Variants in SYNE1 observed in about 807,000 individuals in gnomAD.
The protein encoded by SYNE1 is nesprin-1.
A neutral mutation model predicts 1,111.0 loss-of-function variants in SYNE1; 616 were observed. That is an observed-to-expected ratio of 0.55 (90% CI 0.52 to 0.59). The LOEUF is 0.59. Among genes scored for constraint, SYNE1 ranks in the 20% least tolerant of loss-of-function variants. SYNE1 has a pLI of 0.00. For synonymous variants in SYNE1, 3,855 were observed against 3,825.8 expected (o/e 1.01, Z -0.28); for missense variants, 10,006 against 10,417.0 (o/e 0.96, Z 1.72).
Position 152,404,362 on chromosome 6 carries a change from T to C in SYNE1, c.6724-48A>G, listed in dbSNP as rs1336093917. ...ACTAATCAAAAACACTGACATGCTA[T>C]ATTTGGCATTTAATAATTTCAAGAA... On this transcript the variant is annotated intron_variant, in intron 45 of 145. Coordinates refer to ENST00000367255, the MANE Select transcript of SYNE1 (RefSeq NM_182961.4). 32 of 1,374,546 alleles carry C rather than the reference T, an allele frequency of 2.3e-5. No individual in the cohort carries two copies. The East Asian group carries it at 7.4e-4, about 32-fold the overall frequency. The allele number at this position is 1,374,546 out of a possible 1,614,324, so 85.1% of individuals were successfully genotyped here.
Position 152,189,417 on chromosome 6 carries a change from AAAAC to A in SYNE1, c.23146-14_23146-11del. 6.2e-7 allele frequency: 1 copy of A among 1,613,914 alleles called. No homozygotes were observed. The highest frequency in any genetic ancestry group is 8.5e-7 in the Non-Finnish European group (1 of 1,179,908). ...CTGCATTTTCTAATTCCTAAATAAA[AAAAC>A]AAACTTGAATACCCACGGACATCTC... is the stretch of plus-strand genomic sequence containing the variant. On this transcript the variant is annotated splice_polypyrimidine_tract_variant and intron_variant, in intron 127 of 145. Transcript: ENST00000367255.
At chr6:152,601,656 C>T (rs572925592) in intron 3 of SYNE1, among the ~76,000 whole-genome samples, 35 of 152,260 alleles carry the variant, frequency 2.3e-4, no homozygotes, top group Non-Finnish European at 3.8e-4. Flanking sequence ...ACAGAAAACA[C>T]GACAAACCAT....
Position 152,278,548 on chromosome 6 carries a change from C to T in SYNE1, c.18382-268G>A, listed in dbSNP as rs145751882. ...AGCGATCTTGACTCACTGCAAGCTCCGCCTCCCAGGTTCACGCCATTCTCC... is the reference window on the plus strand; with the variant it reads ...AGCGATCTTGACTCACTGCAAGCTCTGCCTCCCAGGTTCACGCCATTCTCC... On this transcript the variant is annotated intron_variant, in intron 97 of 145. Coordinates refer to ENST00000367255, the MANE Select transcript of SYNE1 (RefSeq NM_182961.4). Among the ~76,000 whole-genome samples the T allele has an allele frequency of 2.6e-3, 402 of 152,098 alleles. 1 individual carries two copies. The highest frequency in any genetic ancestry group is 0.014 in the Middle Eastern group (4 of 294).
At chr6:152,433,593 A>G (rs557187459) in intron 34 of SYNE1, 46 of 595,072 alleles carry the variant, frequency 7.7e-5, no homozygotes, top group Middle Eastern at 8.7e-4. Context: ...CAAGTCAGAC[A>G]ATGTGAATAC....
At chr6:152,192,797 C>T (rs1429370268) in intron 127 of SYNE1, among the ~76,000 whole-genome samples, 1 of 151,994 alleles carries the variant, frequency 6.6e-6, no homozygotes, top group Admixed American at 6.6e-5. Context: ...GCTGAATTAA[C>T]CCCTTTTTCA....
At chr6:152,571,523 A>AG (rs1273532208) in intron 3 of SYNE1, among the ~76,000 whole-genome samples, 1 of 152,194 alleles carries the variant, frequency 6.6e-6, no homozygotes, top group Admixed American at 6.5e-5. Flanking sequence ...TGCATGATGA[A>AG]GGGGGAGGAT....
intron 119 of SYNE1, 105 bp from the exon 120 acceptor site, chr6:152,219,290 A>T: frequency 9.0e-7 from 1 of 1,114,312 alleles, no homozygotes; most frequent in African/African-American, 1.5e-5. Flanking sequence ...ATTCCTACGG[A>T]TCATATTATT....
chr6:152,310,605 T>A, intron 88 of SYNE1, 83 bp downstream of exon 88: 1 of 1,609,958 alleles, frequency 6.2e-7, no homozygotes, highest in Non-Finnish European at 8.5e-7. Flanking sequence ...ACATCACAGG[T>A]GAGCACTATT....
At position 152,140,133 on chromosome 6, in the gene SYNE1, C is replaced by T; in HGVS notation, c.25275G>A (p.Gln8425=). 1 of 1,614,196 alleles carries T rather than the reference C, an allele frequency of 6.2e-7. No homozygotes were observed. The highest frequency in any genetic ancestry group is 8.5e-7 in the Non-Finnish European group (1 of 1,180,034). Residue 8425 remains glutamine (Q), a synonymous_variant, in exon 140 of 146, where the codon CAG becomes CAA. Transcript: ENST00000367255. ...TCAACTCCTTGCTCAATGCCTGGGC[C>T]TGGAGAAGCTCCCATCGGTCAATCA... ...AGVIDRWELL[Q]AQALSKELRM...
chr6:152,454,163 C>CA (rs1346911095), intron 24 of SYNE1, among the ~76,000 whole-genome samples: 9 of 147,310 alleles, frequency 6.1e-5, no homozygotes, highest in Admixed American at 2.0e-4. Context: ...GCCATTGTCA[C>CA]ATTCACACAT....
chr6:152,473,166 T>C (rs2098816290), intron 14 of SYNE1, among the ~76,000 whole-genome samples: 1 of 152,182 alleles, frequency 6.6e-6, no homozygotes, highest in Non-Finnish European at 1.5e-5. Context: ...ATTTCTCACA[T>C]AGAAGCAAGG....
chr6:152,339,305 A>G lies in SYNE1; in HGVS notation c.12287T>C (p.Met4096Thr), dbSNP rs771323185. The change falls in exon 75 of 146, where the codon ATG becomes ACG. Residue 4096 changes from methionine (M) to threonine (T), a missense_variant. Around this residue, in one of 7 missense-constraint regions of SYNE1, gnomAD observed 4,955 missense variants for 5,017.2 expected, o/e 0.99. Coordinates refer to ENST00000367255, the MANE Select transcript of SYNE1 (RefSeq NM_182961.4). The stretch of plus-strand genomic sequence containing the variant: ...CACCGAAGCATTTGACAGGTCACAC[A>G]TGGAGCAAAGGAGATCTAGGTAGGT... ...ARTYLDLLCSMCDLSNASVKT... is the reference protein window; with the variant it reads ...ARTYLDLLCSTCDLSNASVKT... The G allele has an allele frequency of 5.6e-6, 9 of 1,613,978 alleles. No homozygotes were observed. The highest frequency in any genetic ancestry group is 2.2e-5 in the East Asian group (1 of 44,882).
Position 152,510,979 on chromosome 6 carries a change from C to T in SYNE1, c.402+32G>A, listed in dbSNP as rs765456086. ...ACCATGATCTCCCTCTGAGACATTGCATCAACTGAAAGAGGAACTGTAGCA... is the reference window on the plus strand; with the variant it reads ...ACCATGATCTCCCTCTGAGACATTGTATCAACTGAAAGAGGAACTGTAGCA... On this transcript the variant is annotated intron_variant, in intron 7 of 145. Coordinates refer to ENST00000367255, the MANE Select transcript of SYNE1 (RefSeq NM_182961.4). The T allele has an allele frequency of 4.4e-6, 7 of 1,581,258 alleles. No homozygotes were observed. The Admixed American group carries it at 8.3e-5, about 19-fold the overall frequency.
At chr6:152,186,483 G>A (rs551753206) in intron 128 of SYNE1, among the ~76,000 whole-genome samples, 1 of 132,784 alleles carries the variant, frequency 7.5e-6, no homozygotes, top group Non-Finnish European at 1.6e-5. Flanking sequence ...TTGTACCCAG[G>A]AGGTGGAGTC....
At chr6:152,442,418 T>C (rs967753230) in intron 30 of SYNE1, among the ~76,000 whole-genome samples, 173 bp from the exon 31 acceptor site, 1 of 152,328 alleles carries the variant, frequency 6.6e-6, no homozygotes, top group East Asian at 1.9e-4. Flanking sequence ...AAGATGAACA[T>C]TATTTATAAA....
chr6:152,282,009 A>G (rs2094057155), intron 96 of SYNE1, 29 bp from the exon 97 acceptor site: 2 of 1,608,530 alleles, frequency 1.2e-6, no homozygotes, highest in Non-Finnish European at 8.5e-7. Context: ...GGTAATATAG[A>G]TCACGCTAAG....
chr6:152,592,180 G>A (rs2099568866), intron 3 of SYNE1, among the ~76,000 whole-genome samples: 1 of 151,518 alleles, frequency 6.6e-6, no homozygotes, highest in Non-Finnish European at 1.5e-5. Flanking sequence ...TGTATGCTGG[G>A]TATATACTGG....
chr6:152,361,595 G>C (rs1320781768), intron 64 of SYNE1, among the ~76,000 whole-genome samples: 1 of 152,172 alleles, frequency 6.6e-6, no homozygotes, highest in African/African-American at 2.4e-5. Flanking sequence ...AAGGATTTCT[G>C]TGTAGAAGAT....
intron 41 of SYNE1, 35 bp downstream of exon 41, chr6:152,416,352 A>T: frequency 1.2e-6 from 2 of 1,611,658 alleles, no homozygotes; most frequent in Non-Finnish European, 1.7e-6. Flanking sequence ...ATACAAAAGA[A>T]AAGAGACAAG....
Sources: gnomAD v4.1 joint callset for allele counts (sites outside exome capture counted in the v4.1 genomes callset) on GRCh38, gnomAD v4.1.1 for gene constraint, gnomAD v4.1.1 regional missense constraint, MANE v1.5 for transcripts, NCBI Gene and HGNC (gene_info 2026-07-23, HGNC 2026-07-21) for gene names.